The following ACSM1 variants were observed in gnomAD, a reference collection of about 807,000 sequenced individuals.
ACSM1 encodes acyl-CoA synthetase medium chain family member 1, also known as acyl-coenzyme A synthetase ACSM1, mitochondrial.
Under a neutral mutation model 75.8 loss-of-function variants are expected in ACSM1, and 79 were observed. The ratio of observed to expected loss-of-function variants is 1.04; its 90% CI spans 0.87 to 1.26. ACSM1 has a LOEUF of 1.26. Among genes scored for constraint, ACSM1 ranks in the 50% most tolerant of loss-of-function variants. ACSM1 has a pLI of 0.00. For synonymous variants in ACSM1, 279 were observed against 265.8 expected, an observed-to-expected ratio of 1.05 and a Z score of -0.48; for missense variants, 676 against 720.1, an observed-to-expected ratio of 0.94 and a Z score of 0.70.
intron 1 of ACSM1, among the ~76,000 whole-genome samples, chr16:20,692,507 C>A (rs573083599): frequency 3.3e-5 from 5 of 152,126 alleles, no homozygotes; most frequent in African/African-American, 1.2e-4. Flanking sequence ...TTATTGTGCA[C>A]CGGTATCTCT....
chr16:20,684,336 A>C (rs533048012), intron 3 of ACSM1, among the ~76,000 whole-genome samples: 52 of 152,332 alleles, frequency 3.4e-4, no homozygotes, highest in African/African-American at 1.2e-3. Context: ...CACACAATGA[A>C]TTATTTATTA....
At chr16:20,654,613 A>G (rs1408350859) in intron 7 of ACSM1, among the ~76,000 whole-genome samples, 6 of 152,284 alleles carry the variant, frequency 3.9e-5, no homozygotes, top group South Asian at 4.1e-4. Flanking sequence ...CATTTCTCAA[A>G]AGAAGACATT....
At position 20,640,561 on chromosome 16, in the gene ACSM1, T is replaced by C; in HGVS notation, c.1016A>G (p.His339Arg). 1 of 1,614,170 alleles carries C rather than the reference T, an allele frequency of 6.2e-7. No individual in the cohort carries two copies. ...CACGACCTCCCCGCCAGTATAGCAG[T>C]GCTCCAGGGCAGGGAACCTGATGCT... Reference protein sequence around the residue: ...FTSIRFPALEHCYTGGEVVLP... With the variant: ...FTSIRFPALERCYTGGEVVLP... The change falls in exon 8 of 14, where the codon CAC becomes CGC. Residue 339 changes from histidine to arginine, a missense_variant. His to Arg is a conservative substitution (Grantham distance 29, BLOSUM62 0). Transcript: ENST00000520010.
chr16:20,624,051 G>C, intron 13 of ACSM1, 45 bp downstream of exon 13: 1 of 1,603,650 alleles, frequency 6.2e-7, no homozygotes, highest in South Asian at 1.1e-5. Flanking sequence ...TCCTAGCAGG[G>C]AACGCTTCAG....
At chr16:20,669,045 A>G (rs1006966785) in intron 6 of ACSM1, among the ~76,000 whole-genome samples, 4 of 152,122 alleles carry the variant, frequency 2.6e-5, no homozygotes, top group African/African-American at 9.7e-5. Context: ...GGTGGAGGGC[A>G]AGGTCTGCCT....
chr16:20,679,043 C>T (rs1234507295), intron 4 of ACSM1: 1 of 152,258 alleles, frequency 6.6e-6, no homozygotes, highest in Non-Finnish European at 1.5e-5. Context: ...AGACCCAGTA[C>T]ACCCTTTCAA....
intron 7 of ACSM1, among the ~76,000 whole-genome samples, chr16:20,651,251 AT>A (rs1391700992): frequency 2.0e-5 from 3 of 152,196 alleles, no homozygotes; most frequent in African/African-American, 7.2e-5. Flanking sequence ...AAAGATCTTT[AT>A]GAGTCTATGT....
intron 8 of ACSM1, 79 bp downstream of exon 8, chr16:20,640,382 C>G (rs924665713): frequency 6.6e-7 from 1 of 1,515,528 alleles, no homozygotes; most frequent in Non-Finnish European, 9.1e-7. Context: ...TTCCCAGATG[C>G]GTGTCATTAA....
At chr16:20,635,155 G>A (rs2017587281) in intron 10 of ACSM1, among the ~76,000 whole-genome samples, 1 of 152,186 alleles carries the variant, frequency 6.6e-6, no homozygotes, top group Admixed American at 6.5e-5. Flanking sequence ...AGCACTTTGG[G>A]AGGCTGAGGC....
intron 1 of ACSM1, among the ~76,000 whole-genome samples, chr16:20,695,781 C>G (rs2079686864): frequency 6.6e-6 from 1 of 152,166 alleles, no homozygotes; most frequent in Non-Finnish European, 1.5e-5. Flanking sequence ...GCGTCTATCT[C>G]TATCTCTGTA....
At position 20,657,734 on chromosome 16, in the gene ACSM1, T is replaced by C. The variant is rs181674419; in HGVS notation, c.992+4060A>G. On this transcript the variant is annotated intron_variant, in intron 7 of 13. Transcript: ENST00000520010. ...AACTCATCATTTAGCATTAGGTATA[T>C]CTCCTAATGTTATCCCTCCCCCCTC... Among the ~76,000 whole-genome samples, 963 of 152,028 alleles carry C rather than the reference T, an allele frequency of 6.3e-3. 6 individuals carry two copies. Among genetic ancestry groups the C allele is most frequent in the Middle Eastern group, 0.024 (7 of 294 alleles).
At chr16:20,659,030 T>C (rs746404609) in intron 7 of ACSM1, among the ~76,000 whole-genome samples, 34 of 152,166 alleles carry the variant, frequency 2.2e-4, no homozygotes, top group Middle Eastern at 3.2e-3. Context: ...ATCTTTATGA[T>C]AGACATTTTC....
chr16:20,691,341 G>A, intron 1 of ACSM1, 102 bp from the exon 2 acceptor site: 1 of 596,816 alleles, frequency 1.7e-6, no homozygotes, highest in South Asian at 2.9e-5. Flanking sequence ...CTTTGTTTCA[G>A]GTCACCAGAA....
chr16:20,653,496 T>TA (rs1463738887), intron 7 of ACSM1, among the ~76,000 whole-genome samples: 1 of 152,194 alleles, frequency 6.6e-6, no homozygotes, highest in Non-Finnish European at 1.5e-5. Flanking sequence ...ATTGTATATT[T>TA]AAAAAACCCC....
At chr16:20,635,625 TTTCTTTCTTTCTTTC>T (rs2017651108) in intron 10 of ACSM1, among the ~76,000 whole-genome samples, 2 of 142,440 alleles carry the variant, frequency 1.4e-5, no homozygotes, top group Non-Finnish European at 3.0e-5. Flanking sequence ...TCTTTCTTTC[TTTCTTTCTTTCTTTC>T]TTTCTTTCTT....
chr16:20,635,620 CTTTCTTT>C (rs1567251852), intron 10 of ACSM1, among the ~76,000 whole-genome samples: 1 of 105,386 alleles, frequency 9.5e-6, no homozygotes, highest in Non-Finnish European at 2.0e-5. Flanking sequence ...TTCTTTCTTT[CTTTCTTT>C]CTTTCTTTCT....
chr16:20,629,498 G>A (rs2017204505), intron 10 of ACSM1, among the ~76,000 whole-genome samples: 1 of 152,112 alleles, frequency 6.6e-6, no homozygotes, highest in African/African-American at 2.4e-5. Context: ...GTAAAAGAAG[G>A]CAGTTATAAA....
At chr16:20,653,804 A>G (rs1413271355) in intron 7 of ACSM1, among the ~76,000 whole-genome samples, 1 of 152,234 alleles carries the variant, frequency 6.6e-6, no homozygotes, top group East Asian at 1.9e-4. Flanking sequence ...AGGAAGAATC[A>G]ATATCGTGAA....
chr16:20,636,769 G>C lies in ACSM1; in HGVS notation c.1269C>G (p.Val423=). 1 of 1,614,074 alleles carries C rather than the reference G, an allele frequency of 6.2e-7. No individual in the cohort carries two copies. The highest frequency in any genetic ancestry group is 8.5e-7 in the Non-Finnish European group (1 of 1,179,994). Residue 423 remains valine, a synonymous_variant, in exon 10 of 14, where the codon GTC becomes GTG. Coordinates refer to ENST00000520010, the MANE Select transcript of ACSM1 (RefSeq NM_001318890.3). ...AGCACATGAAGAGGCTCACAGGCCT[G>C]ACAGGTTTGATTCTGATGCCAATGT... The part of the protein sequence containing the change: ...EGNIGIRIKP[V]RPVSLFMCYE...
Sources: gnomAD v4.1 joint callset for allele counts (sites outside exome capture counted in the v4.1 genomes callset) on GRCh38, gnomAD v4.1.1 for gene constraint, MANE v1.5 for transcripts, NCBI Gene and HGNC (gene_info 2026-07-23, HGNC 2026-07-21) for gene names.